Variants in TMEM108 observed in about 807,000 individuals in gnomAD.
TMEM108 encodes cancer/testis antigen 124.
In TMEM108, 12 loss-of-function variants were observed where a neutral mutation model predicts 35.1. The observed-to-expected ratio is 0.34, with a 90% CI of 0.22 to 0.55. TMEM108 has a LOEUF of 0.55. Among genes scored for constraint, TMEM108 ranks in the 20% least tolerant of loss-of-function variants. The pLI is 0.89. For missense variants in TMEM108, 680 were observed against 753.3 expected, an observed-to-expected ratio of 0.90 and a Z score of 1.14; for synonymous variants, 287 against 308.6, an observed-to-expected ratio of 0.93 and a Z score of 0.73.
chr3:133,233,097 A>T (rs1192786505), intron 3 of TMEM108, among the ~76,000 whole-genome samples: 2 of 150,140 alleles, frequency 1.3e-5, no homozygotes, highest in Non-Finnish European at 3.0e-5. Flanking sequence ...TGTGCAGGTT[A>T]GTTACATATG....
At chr3:133,114,129 T>A (rs971651572) in intron 2 of TMEM108, among the ~76,000 whole-genome samples, 1 of 152,184 alleles carries the variant, frequency 6.6e-6, no homozygotes, top group Non-Finnish European at 1.5e-5. Flanking sequence ...GAGGGGCAGC[T>A]GGAGTCTCAT....
intron 2 of TMEM108, among the ~76,000 whole-genome samples, chr3:133,099,731 T>A (rs1289095400): frequency 6.6e-6 from 1 of 151,994 alleles, no homozygotes; most frequent in Non-Finnish European, 1.5e-5. Context: ...ATAATAAGAG[T>A]CACCTTTGCT....
intron 2 of TMEM108, among the ~76,000 whole-genome samples, chr3:133,176,615 C>G: frequency 6.6e-6 from 1 of 151,690 alleles, no homozygotes. Flanking sequence ...TTCTTTGAAA[C>G]CAACGAGAAC....
chr3:133,272,117 G>A (rs190933354), intron 3 of TMEM108, among the ~76,000 whole-genome samples: 1 of 152,242 alleles, frequency 6.6e-6, no homozygotes, highest in Admixed American at 6.5e-5. Context: ...CAGATTCTTG[G>A]ATTCTCGTCA....
chr3:133,112,630 A>G (rs1043292545), intron 2 of TMEM108, among the ~76,000 whole-genome samples: 4 of 152,206 alleles, frequency 2.6e-5, no homozygotes, highest in Admixed American at 6.5e-5. Flanking sequence ...TTGGTCAGAC[A>G]ATATTAATGT....
At chr3:133,125,329 T>G (rs907545617) in intron 2 of TMEM108, among the ~76,000 whole-genome samples, 1 of 152,238 alleles carries the variant, frequency 6.6e-6, no homozygotes, top group Non-Finnish European at 1.5e-5. Flanking sequence ...CCCTCTGATG[T>G]GGGCTTTACT....
intron 2 of TMEM108, among the ~76,000 whole-genome samples, chr3:133,185,815 T>C (rs1026055293): frequency 2.1e-5 from 3 of 145,676 alleles, no homozygotes; most frequent in African/African-American, 7.5e-5. Flanking sequence ...AGAGTCTTGC[T>C]CTGTTGCCCA....
chr3:133,394,432 C>T (rs2073276968), intron 5 of TMEM108, among the ~76,000 whole-genome samples: 1 of 152,204 alleles, frequency 6.6e-6, no homozygotes, highest in Non-Finnish European at 1.5e-5. Context: ...TCCTCCTTCT[C>T]CCTGTTTTCT....
chr3:133,386,355 C>A, intron 4 of TMEM108: 1 of 1,524,058 alleles, frequency 6.6e-7, no homozygotes, highest in South Asian at 1.2e-5. Flanking sequence ...AAGAGCAATT[C>A]AATAGTTGTT....
At chr3:133,202,991 T>G (rs945304594) in intron 2 of TMEM108, among the ~76,000 whole-genome samples, 2 of 152,222 alleles carry the variant, frequency 1.3e-5, no homozygotes, top group African/African-American at 4.8e-5. Flanking sequence ...GTAGTTCTCC[T>G]TGAAGAGGTC....
intron 1 of TMEM108, 48 bp downstream of exon 1, chr3:133,038,483 C>G (rs2107666080): frequency 6.6e-6 from 1 of 152,484 alleles, no homozygotes; most frequent in South Asian, 2.1e-4. Flanking sequence ...ATGCTGGGTC[C>G]CGGCAAGCGG....
chr3:133,218,860 G>A (rs904070349), intron 2 of TMEM108, among the ~76,000 whole-genome samples: 11 of 151,956 alleles, frequency 7.2e-5, no homozygotes, highest in African/African-American at 2.2e-4. Flanking sequence ...TAGTATCCCT[G>A]TCTGGCTTGG....
At position 133,281,895 on chromosome 3, in the gene TMEM108, A is replaced by C. The variant is rs377492211; in HGVS notation, c.40+52544A>C. ...AGGACAGGCTGGGCTTGGTGGCTCA[A>C]GCCTGTAATCCCAGCACTTTGGGAG... On this transcript the variant is annotated intron_variant, in intron 3 of 5. Transcript: ENST00000321871. 5.9e-4 allele frequency among the ~76,000 whole-genome samples: 90 copies of C among 152,306 alleles called. 1 individual carries two copies. The highest frequency in any genetic ancestry group is 1.7e-3 in the African/African-American group (72 of 41,578).
intron 2 of TMEM108, among the ~76,000 whole-genome samples, chr3:133,135,078 T>C (rs1944545641): frequency 6.6e-6 from 1 of 152,198 alleles, no homozygotes; most frequent in African/African-American, 2.4e-5. Flanking sequence ...TTTTAAACAA[T>C]GTTTTTCTTT....
intron 3 of TMEM108, among the ~76,000 whole-genome samples, chr3:133,374,128 C>T (rs1489537859): frequency 2.0e-5 from 3 of 152,134 alleles, no homozygotes; most frequent in African/African-American, 7.2e-5. Flanking sequence ...TTGGCTGTAG[C>T]CTCAGAAGGG....
intron 3 of TMEM108, among the ~76,000 whole-genome samples, chr3:133,292,383 A>G (rs573109793): frequency 2.6e-5 from 4 of 152,270 alleles, no homozygotes; most frequent in East Asian, 1.9e-4. Context: ...TCACAAAGTG[A>G]TGGTTTCCTT....
intron 2 of TMEM108, among the ~76,000 whole-genome samples, chr3:133,175,200 T>C (rs910401190): frequency 1.1e-4 from 16 of 152,196 alleles, no homozygotes; most frequent in Non-Finnish European, 2.4e-4. Context: ...TTACGTCTGA[T>C]TGGTGTACCT....
intron 2 of TMEM108, among the ~76,000 whole-genome samples, chr3:133,194,283 C>CT (rs1214001460): frequency 1.3e-5 from 2 of 152,078 alleles, no homozygotes; most frequent in Non-Finnish European, 2.9e-5. Flanking sequence ...TTAACCTTAT[C>CT]TTTTTTCCCC....
intron 3 of TMEM108, among the ~76,000 whole-genome samples, chr3:133,251,187 A>C (rs921717939): frequency 6.6e-6 from 1 of 152,194 alleles, no homozygotes; most frequent in Non-Finnish European, 1.5e-5. Flanking sequence ...CAAATATTTC[A>C]ATGTCTGTTA....
Sources: allele counts gnomAD v4.1 joint callset (sites outside exome capture counted in the v4.1 genomes callset), GRCh38; gene constraint gnomAD v4.1.1; transcripts MANE v1.5; gene names NCBI Gene and HGNC (gene_info 2026-07-23, HGNC 2026-07-21).